PKP2: variants seen among roughly 807,000 people sequenced by gnomAD.
PKP2 encodes plakophilin-2.
In PKP2, 73 loss-of-function variants were observed where a neutral mutation model predicts 83.4. That is an observed-to-expected ratio of 0.88 (90% CI 0.72 to 1.06). The LOEUF (loss-of-function observed/expected upper bound fraction) is 1.06. PKP2 is among the 50% of genes least tolerant of loss of function. PKP2 has a pLI of 0.00. For missense variants in PKP2, 966 were observed against 1,065.4 expected, an observed-to-expected ratio of 0.91 and a Z score of 1.30; for synonymous variants, 409 against 430.4, an observed-to-expected ratio of 0.95 and a Z score of 0.62.
chr12:32,823,964 A>T, intron 7 of PKP2, 81 bp downstream of exon 7: 1 of 877,756 alleles, frequency 1.1e-6, no homozygotes, highest in South Asian at 1.3e-5. Flanking sequence ...TCAGTGAATA[A>T]ACCTAAAACC....
At chr12:32,886,917 T>C (rs1375146990) in intron 1 of PKP2, among the ~76,000 whole-genome samples, 1 of 152,004 alleles carries the variant, frequency 6.6e-6, no homozygotes, top group African/African-American at 2.4e-5. Flanking sequence ...GTGGATTGCT[T>C]GAGCCCTGGA....
chr12:32,896,472 C>G, intron 1 of PKP2, 37 bp downstream of exon 1: 1 of 1,414,180 alleles, frequency 7.1e-7, no homozygotes, highest in Non-Finnish European at 9.4e-7. Context: ...GGGTGTGGGG[C>G]AGGGGGCGGC....
intron 1 of PKP2, among the ~76,000 whole-genome samples, chr12:32,882,317 T>G (rs908448554): frequency 7.9e-5 from 12 of 152,134 alleles, no homozygotes; most frequent in Admixed American, 5.2e-4. Context: ...TACTCTATAA[T>G]AAAACGGCAG....
intron 5 of PKP2, among the ~76,000 whole-genome samples, chr12:32,848,165 G>A (rs1231860343): frequency 1.3e-5 from 2 of 152,206 alleles, no homozygotes; most frequent in East Asian, 1.9e-4. Flanking sequence ...GCTCACGCTT[G>A]TAATCCTAGC....
intron 12 of PKP2, 43 bp downstream of exon 12, chr12:32,792,601 C>T: frequency 2.5e-6 from 4 of 1,578,396 alleles, no homozygotes; most frequent in Non-Finnish European, 3.5e-6. Context: ...CCATTATTAC[C>T]TGGCTCTGTT....
At chr12:32,821,258 C>T (rs773688849) in intron 9 of PKP2, 98 bp downstream of exon 9, 15 of 1,129,974 alleles carry the variant, frequency 1.3e-5, no homozygotes, top group Non-Finnish European at 2.0e-5. Context: ...AAATAAGAAA[C>T]CTTTTTCTCT....
chr12:32,836,848 T>A (rs918749668), intron 6 of PKP2, among the ~76,000 whole-genome samples: 7 of 152,156 alleles, frequency 4.6e-5, no homozygotes, highest in Admixed American at 3.9e-4. Context: ...AGCAGATACC[T>A]CTATGTCCTG....
intron 6 of PKP2, among the ~76,000 whole-genome samples, chr12:32,837,671 C>T (rs1248631326): frequency 6.6e-6 from 1 of 152,142 alleles, no homozygotes; most frequent in African/African-American, 2.4e-5. Context: ...GGAGTGTATT[C>T]AGCTACTATA....
chr12:32,792,021 AT>A lies in PKP2; in HGVS notation c.*402del. ...ACACTGGAGGCCCAATGGCGAAGCA[AT>A]GTGCACATGAGTGACAAAACATGGG... On this transcript the variant is annotated 3_prime_UTR_variant, in exon 13 of 13. Coordinates refer to ENST00000340811, the MANE Select transcript of PKP2 (RefSeq NM_001005242.3). 3.3e-6 allele frequency: 1 copy of A among 307,136 alleles called. No individual in the cohort carries two copies. The highest frequency in any genetic ancestry group is 8.7e-5 in the East Asian group (1 of 11,452). 19.0% of individuals were successfully genotyped at this position (307,136 alleles called of 1,614,324 possible).
chr12:32,886,079 A>C (rs1957027521), intron 1 of PKP2, among the ~76,000 whole-genome samples: 1 of 152,246 alleles, frequency 6.6e-6, no homozygotes, highest in African/African-American at 2.4e-5. Flanking sequence ...CACAGAAATC[A>C]GCAGGTGTTC....
At chr12:32,867,411 A>G (rs1474372273) in intron 4 of PKP2, among the ~76,000 whole-genome samples, 2 of 152,216 alleles carry the variant, frequency 1.3e-5, no homozygotes, top group Non-Finnish European at 2.9e-5. Flanking sequence ...TGGATTACAC[A>G]GGGGCACAAG....
chr12:32,855,773 CAAAAA>C lies in PKP2; in HGVS notation c.1171-4805_1171-4801del, dbSNP rs11431590. Among the ~76,000 whole-genome samples, 195 of 46,830 alleles carry C rather than the reference CAAAAA, an allele frequency of 4.2e-3. 4 individuals carry two copies. Among genetic ancestry groups the C allele is most frequent in the African/African-American group, 0.019 (182 of 9,424 alleles). The allele number at this position is 46,830 out of a possible 152,430, so 30.7% of individuals were successfully genotyped here. On this transcript the variant is annotated intron_variant, in intron 4 of 12. Transcript: ENST00000340811. The stretch of plus-strand genomic sequence containing the variant: ...CCTGGGCGACAGAGAGACTCCATCT[CAAAAA>C]AAAAAAAAAAAAAAAAAGGAAGAAA...
intron 10 of PKP2, among the ~76,000 whole-genome samples, chr12:32,799,152 A>T (rs1366901403): frequency 3.3e-5 from 5 of 152,196 alleles, no homozygotes; most frequent in Non-Finnish European, 7.4e-5. Context: ...CATAAGAAAA[A>T]TTTTTTGATA....
Position 32,792,710 on chromosome 12 carries a change from A to G in PKP2, c.2379T>C (p.Ser793=), listed in dbSNP as rs532024812. 5.0e-6 allele frequency: 8 copies of G among 1,614,070 alleles called. No homozygotes were observed. In the South Asian group the frequency reaches 8.8e-5, roughly 18 times the overall value. ...AGDAYASNKA[S]KAASVLLYSL... Reference sequence around the variant, plus strand: ...AATACAGAAGGACGGAAGCAGCTTTACTTGCTTTGTTGGAGGCATAGCTGA... The same window carrying G: ...AATACAGAAGGACGGAAGCAGCTTTGCTTGCTTTGTTGGAGGCATAGCTGA... The change falls in exon 12 of 13, where the codon AGT becomes AGC. Residue 793 remains serine (S), a synonymous_variant. Coordinates refer to ENST00000340811, the MANE Select transcript of PKP2 (RefSeq NM_001005242.3).
chr12:32,812,206 A>G (rs899773036), intron 9 of PKP2, among the ~76,000 whole-genome samples: 7 of 150,414 alleles, frequency 4.7e-5, no homozygotes, highest in African/African-American at 1.7e-4. Flanking sequence ...AAGGTCAAGT[A>G]TAACATTTTC....
At chr12:32,819,304 AATACAATAC>A (rs1344416513) in intron 9 of PKP2, among the ~76,000 whole-genome samples, 2 of 37,806 alleles carry the variant, frequency 5.3e-5, no homozygotes, top group East Asian at 4.0e-4. Context: ...AATACAATAC[AATACAATAC>A]AATAAAATAA....
At chr12:32,821,680 A>T in intron 8 of PKP2, 151 bp from the exon 9 acceptor site, 3 of 677,310 alleles carry the variant, frequency 4.4e-6, no homozygotes, top group Non-Finnish European at 7.6e-6. Flanking sequence ...GCAAATATAT[A>T]TAATTTCTAA....
At chr12:32,887,732 G>A (rs944419893) in intron 1 of PKP2, among the ~76,000 whole-genome samples, 5 of 152,198 alleles carry the variant, frequency 3.3e-5, no homozygotes, top group East Asian at 3.9e-4. Context: ...CGCTTTAGGC[G>A]TGAGCCATTA....
At chr12:32,834,764 T>G (rs1486042599) in intron 6 of PKP2, among the ~76,000 whole-genome samples, 1 of 152,056 alleles carries the variant, frequency 6.6e-6, no homozygotes. Flanking sequence ...AAGAATAATA[T>G]GCAGAAATGA....
Sources: allele counts gnomAD v4.1 joint callset (sites outside exome capture counted in the v4.1 genomes callset), GRCh38; gene constraint gnomAD v4.1.1; transcripts MANE v1.5; gene names NCBI Gene and HGNC (gene_info 2026-07-23, HGNC 2026-07-21).